The following GRIN3A variants were observed in gnomAD, a reference collection of about 807,000 sequenced individuals.
GRIN3A encodes glutamate ionotropic receptor NMDA type subunit 3A.
Under a neutral mutation model 92.4 loss-of-function variants are expected in GRIN3A, and 47 were observed. The observed-to-expected ratio is 0.51, with a 90% confidence interval of 0.40 to 0.65. GRIN3A has a LOEUF of 0.65. Ranked by LOEUF, GRIN3A falls within the 30% of genes least tolerant of loss-of-function variation. GRIN3A has a pLI of 0.00. For synonymous variants in GRIN3A, 527 were observed against 540.6 expected, an observed-to-expected ratio of 0.97 and a Z score of 0.35; for missense variants, 1,324 against 1,393.1, an observed-to-expected ratio of 0.95 and a Z score of 0.79.
intron 3 of GRIN3A, among the ~76,000 whole-genome samples, chr9:101,661,524 AT>A (rs941287938): frequency 1.3e-5 from 2 of 151,704 alleles, no homozygotes; most frequent in African/African-American, 2.4e-5. Context: ...TTATATTTTG[AT>A]TTTTTGACAC....
chr9:101,710,971 C>T (rs1001158822), intron 1 of GRIN3A, among the ~76,000 whole-genome samples: 1 of 152,040 alleles, frequency 6.6e-6, no homozygotes, highest in African/African-American at 2.4e-5. Context: ...AGATTAATAA[C>T]AATAACTAAT....
chr9:101,579,150 A>C, intron 7 of GRIN3A, 46 bp downstream of exon 7: 2 of 1,584,598 alleles, frequency 1.3e-6, no homozygotes, highest in Non-Finnish European at 1.7e-6. Context: ...ATCCCTAGGA[A>C]TTGTACAGTT....
intron 1 of GRIN3A, among the ~76,000 whole-genome samples, chr9:101,733,824 C>T (rs374475031): frequency 6.6e-5 from 10 of 151,810 alleles, no homozygotes; most frequent in African/African-American, 1.5e-4. Context: ...GTGTATTCAA[C>T]GAGAGTGTTG....
Position 101,594,773 on chromosome 9 carries a change from C to A in GRIN3A, c.2767-15413G>T, listed in dbSNP as rs577767900. The stretch of plus-strand genomic sequence containing the variant: ...CACTCGCCGCACCAACGGGTTGTGG[C>A]GCAGCTCCGGCAGGGACATGAACTC... On this transcript the variant is annotated intron_variant, in intron 6 of 8. Coordinates refer to ENST00000361820, the MANE Select transcript of GRIN3A (RefSeq NM_133445.3). 3.2e-5 allele frequency: 51 copies of A among 1,613,930 alleles called. No homozygotes were observed. In the South Asian group the frequency reaches 5.3e-4, roughly 17 times the overall value.
rs917783891 is a variant in GRIN3A, at chr9:101,613,156, A to G, written c.2766+220T>C. Among the ~76,000 whole-genome samples the G allele has an allele frequency of 5.9e-5, 9 of 152,256 alleles. No homozygotes were observed. The South Asian group carries it at 1.2e-3, about 21-fold the overall frequency. Reference sequence around the variant, plus strand: ...AAAGTAGAAATTTAGATATTTACTCATCAAAATAGCATCACATTTAAATCT... The same window carrying G: ...AAAGTAGAAATTTAGATATTTACTCGTCAAAATAGCATCACATTTAAATCT... On this transcript the variant is annotated intron_variant, in intron 6 of 8. Coordinates refer to ENST00000361820, the MANE Select transcript of GRIN3A (RefSeq NM_133445.3).
Position 101,670,349 on chromosome 9 carries a change from G to A in GRIN3A, c.2063C>T (p.Thr688Ile), listed in dbSNP as rs1397408865. The A allele has an allele frequency of 1.2e-6, 2 of 1,614,054 alleles. No homozygotes were observed. The highest frequency in any genetic ancestry group is 1.7e-6 in the Non-Finnish European group (2 of 1,179,968). ...WLGIFVALHI[T>I]AVFLTLYEWK... ...TTCATACAGAGTGAGGAAGACGGCA[G>A]TGATGTGCAGAGCCACAAAAATCCC... The change falls in exon 3 of 9, where the codon ACT becomes ATT. Residue 688 changes from threonine to isoleucine, a missense_variant. By Grantham distance (89) the Thr-to-Ile change is moderately conservative. Transcript: ENST00000361820.
intron 2 of GRIN3A, among the ~76,000 whole-genome samples, chr9:101,684,094 TTTTCTTTCTTTC>T (rs542469654): frequency 6.2e-5 from 9 of 144,438 alleles, no homozygotes; most frequent in Admixed American, 4.1e-4. Flanking sequence ...CTTCCTGTCT[TTTTCTTTCTTTC>T]TTTCTTTCTT....
intron 1 of GRIN3A, among the ~76,000 whole-genome samples, chr9:101,696,379 A>G: frequency 6.6e-6 from 1 of 152,262 alleles, no homozygotes. Flanking sequence ...GCATTTCTGC[A>G]GTAGGATGTT....
intron 2 of GRIN3A, among the ~76,000 whole-genome samples, chr9:101,675,428 C>T (rs1043620646): frequency 6.6e-6 from 1 of 151,716 alleles, no homozygotes; most frequent in Non-Finnish European, 1.5e-5. Context: ...TGTTGACATC[C>T]TAATTAAAGT....
chr9:101,696,491 G>A (rs1829686404), intron 1 of GRIN3A, among the ~76,000 whole-genome samples: 1 of 152,066 alleles, frequency 6.6e-6, no homozygotes, highest in Admixed American at 6.6e-5. Context: ...GAATAAAGAT[G>A]TTGCTCTAGG....
rs907713913 is a variant in GRIN3A, at chr9:101,569,422, A to G, written c.*3752T>C. The G allele has an allele frequency of 6.6e-6, 1 of 152,168 alleles. No individual in the cohort carries two copies. The highest frequency in any genetic ancestry group is 2.4e-5 in the African/African-American group (1 of 41,444). 9.4% of individuals were successfully genotyped at this position (152,168 alleles called of 1,614,324 possible). A position where few individuals can be genotyped will look rare whatever the true frequency, so the allele number is the denominator to read the frequency against. On this transcript the variant is annotated 3_prime_UTR_variant, in exon 9 of 9. Coordinates refer to ENST00000361820, the MANE Select transcript of GRIN3A (RefSeq NM_133445.3). ...GATGGAAAAGACCTGAGGACATCTA[A>G]TCCATCCATGTGGTTGTACAAGAAA...
At chr9:101,707,632 A>C (rs2119009905) in intron 1 of GRIN3A, among the ~76,000 whole-genome samples, 1 of 152,326 alleles carries the variant, frequency 6.6e-6, no homozygotes, top group African/African-American at 2.4e-5. Context: ...GTTTTGATTT[A>C]GCCTTTTATC....
At chr9:101,681,148 A>G (rs1829460586) in intron 2 of GRIN3A, among the ~76,000 whole-genome samples, 1 of 152,214 alleles carries the variant, frequency 6.6e-6, no homozygotes, top group Admixed American at 6.5e-5. Context: ...TGGGAACAGC[A>G]GGTAAATTCT....
intron 3 of GRIN3A, among the ~76,000 whole-genome samples, chr9:101,667,702 T>C (rs1476238326): frequency 6.6e-6 from 1 of 152,062 alleles, no homozygotes; most frequent in Non-Finnish European, 1.5e-5. Flanking sequence ...TCTGAGTGAC[T>C]GAGGGATGTG....
At chr9:101,633,742 C>T (rs1036853538) in intron 3 of GRIN3A, among the ~76,000 whole-genome samples, 1 of 152,138 alleles carries the variant, frequency 6.6e-6, no homozygotes, top group Non-Finnish European at 1.5e-5. Context: ...CATTACCACC[C>T]ACCCCCAACC....
chr9:101,665,115 CT>C (rs1322142472), intron 3 of GRIN3A, among the ~76,000 whole-genome samples: 1 of 151,790 alleles, frequency 6.6e-6, no homozygotes, highest in African/African-American at 2.4e-5. Context: ...TAAGAAAACA[CT>C]GTTATTATAA....
intron 6 of GRIN3A, chr9:101,594,694 G>A: frequency 6.2e-7 from 1 of 1,614,188 alleles, no homozygotes; most frequent in Non-Finnish European, 8.5e-7. Flanking sequence ...AGGTCCCCAG[G>A]ATGAATTCCT....
intron 6 of GRIN3A, among the ~76,000 whole-genome samples, chr9:101,610,210 A>G (rs181699390): frequency 3.1e-3 from 468 of 152,362 alleles, no homozygotes; most frequent in African/African-American, 0.01. Context: ...AAATAAAGAT[A>G]AAAATGTCTA....
At chr9:101,609,661 G>C (rs1828333713) in intron 6 of GRIN3A, among the ~76,000 whole-genome samples, 1 of 152,174 alleles carries the variant, frequency 6.6e-6, no homozygotes, top group African/African-American at 2.4e-5. Flanking sequence ...TGAGTCCGCA[G>C]AGCTGTCTGT....
Sources: gnomAD v4.1 joint callset for allele counts (sites outside exome capture counted in the v4.1 genomes callset) on GRCh38, gnomAD v4.1.1 for gene constraint, MANE v1.5 for transcripts, NCBI Gene and HGNC (gene_info 2026-07-23, HGNC 2026-07-21) for gene names.